The following PCDHA4 variants were observed in gnomAD, a reference collection of about 807,000 sequenced individuals.
PCDHA4 encodes protocadherin alpha 4.
A neutral mutation model predicts 61.4 loss-of-function variants in PCDHA4; 49 were observed. The observed-to-expected ratio is 0.80, with a 90% confidence interval of 0.63 to 1.01. PCDHA4 has a LOEUF of 1.01. PCDHA4 is among the 50% of genes least tolerant of loss of function. The pLI is 0.00. For missense variants in PCDHA4, 1,254 were observed against 1,235.8 expected, an observed-to-expected ratio of 1.01 and a Z score of -0.22; for synonymous variants, 590 against 550.3, an observed-to-expected ratio of 1.07 and a Z score of -1.01.
intron 3 of PCDHA4, among the ~76,000 whole-genome samples, chr5:140,992,118 G>C (rs1554252679): frequency 1.3e-5 from 2 of 151,650 alleles, no homozygotes; most frequent in Non-Finnish European, 2.9e-5. Flanking sequence ...ATGTGTCATG[G>C]AAGAACAGTG....
intron 1 of PCDHA4, chr5:140,852,892 T>C: frequency 1.1e-6 from 1 of 911,000 alleles, no homozygotes; most frequent in Non-Finnish European, 1.3e-6. Context: ...CGTATTTTTT[T>C]TTTTGAGTCA....
chr5:140,834,122 A>G (rs1171530396), intron 1 of PCDHA4: 1 of 434,976 alleles, frequency 2.3e-6, no homozygotes, highest in Non-Finnish European at 4.0e-6. Flanking sequence ...TTGAAATAAA[A>G]CTTTTCATCT....
intron 1 of PCDHA4, chr5:140,883,610 G>C: frequency 6.2e-7 from 1 of 1,614,046 alleles, no homozygotes; most frequent in Non-Finnish European, 8.5e-7. Flanking sequence ...GGTGGCCGAC[G>C]TGAACGACAA....
chr5:140,962,127 G>A (rs1198076557), intron 1 of PCDHA4, among the ~76,000 whole-genome samples: 1 of 151,934 alleles, frequency 6.6e-6, no homozygotes, highest in East Asian at 1.9e-4. Flanking sequence ...CCTTGGCCTC[G>A]GCCTCCCAAA....
At chr5:140,834,699 C>T (rs2150224551) in intron 1 of PCDHA4, 1 of 1,614,262 alleles carries the variant, frequency 6.2e-7, no homozygotes. Flanking sequence ...CAGCATCCAC[C>T]TGGAGGTGAT....
At position 140,967,456 on chromosome 5, in the gene PCDHA4, G is replaced by A. The variant is rs781877104; in HGVS notation, c.2386-11493G>A. On this transcript the variant is annotated intron_variant, in intron 1 of 3. Transcript: ENST00000530339. The stretch of plus-strand genomic sequence containing the variant: ...TGCACCACCTGGTTCTCACAGCCGT[G>A]GATGGGGGCATCCCAGCCCGCTCGG... 4.3e-6 allele frequency: 7 copies of A among 1,613,480 alleles called. No homozygotes were observed. The South Asian group carries it at 6.6e-5, about 15-fold the overall frequency.
intron 1 of PCDHA4, chr5:140,927,619 C>G: frequency 6.2e-7 from 1 of 1,614,170 alleles, no homozygotes; most frequent in Non-Finnish European, 8.5e-7. Flanking sequence ...CACCAAGGTT[C>G]CAGAGACTGC....
intron 1 of PCDHA4, chr5:140,870,860 C>G: frequency 6.2e-7 from 1 of 1,613,882 alleles, no homozygotes; most frequent in East Asian, 2.2e-5. Context: ...TCGGTGGGTG[C>G]GGGCCACGTG....
At chr5:140,828,562 G>A in intron 1 of PCDHA4, 5 of 1,614,232 alleles carry the variant, frequency 3.1e-6, no homozygotes, top group Non-Finnish European at 4.2e-6. Context: ...TGGAGGGCGC[G>A]TCCGATGCAG....
chr5:140,843,248 C>G, intron 1 of PCDHA4: 1 of 1,596,046 alleles, frequency 6.3e-7, no homozygotes, highest in Non-Finnish European at 8.6e-7. Context: ...AGCGGACTCT[C>G]CGCGCCACCG....
At chr5:140,966,818 C>T in intron 1 of PCDHA4, 1 of 1,554,294 alleles carries the variant, frequency 6.4e-7, no homozygotes, top group Admixed American at 1.9e-5. Flanking sequence ...ACGGCTCCGG[C>T]GGCCCATGCC....
chr5:140,982,795 A>ATG (rs60616196), intron 3 of PCDHA4, among the ~76,000 whole-genome samples: 5,064 of 151,610 alleles, frequency 0.033, 263 homozygotes, highest in African/African-American at 0.11. Context: ...GCATGTGTGC[A>ATG]TGTGTGTGTG....
Position 141,011,309 on chromosome 5 carries a change from A to G in PCDHA4, c.*1372A>G, listed in dbSNP as rs374038361. On this transcript the variant is annotated 3_prime_UTR_variant, in exon 4 of 4. Coordinates refer to ENST00000530339, the MANE Select transcript of PCDHA4 (RefSeq NM_018907.4). ...CTTTTCTATAACACTCTGAATTGCTAATCTTACTAACACCTATGATGTTAC... is the reference window on the plus strand; with the variant it reads ...CTTTTCTATAACACTCTGAATTGCTGATCTTACTAACACCTATGATGTTAC... 9.8e-5 allele frequency: 15 copies of G among 153,742 alleles called. No homozygotes were observed. The highest frequency in any genetic ancestry group is 1.9e-4 in the Non-Finnish European group (13 of 68,036). 9.5% of individuals were successfully genotyped at this position (153,742 alleles called of 1,614,324 possible). A position where few individuals can be genotyped will look rare whatever the true frequency, so the allele number is the denominator to read the frequency against.
At chr5:140,834,120 A>C (rs2150213595) in intron 1 of PCDHA4, 5 of 433,160 alleles carry the variant, frequency 1.2e-5, no homozygotes, top group Non-Finnish European at 2.0e-5. Context: ...GTTTGAAATA[A>C]AACTTTTCAT....
Position 140,807,113 on chromosome 5 carries a change from T to C in PCDHA4, c.-75T>C, listed in dbSNP as rs902550795. On this transcript the variant is annotated 5_prime_UTR_variant, in exon 1 of 4. Coordinates refer to ENST00000530339, the MANE Select transcript of PCDHA4 (RefSeq NM_018907.4). ...GAAATATGGAGGATGCAGCTGCACT[T>C]GACTGACCGATTAAAAGATTTCCCT... The C allele has an allele frequency of 2.6e-5, 40 of 1,517,878 alleles. No individual in the cohort carries two copies. In the Admixed American group the frequency reaches 7.4e-4, roughly 28 times the overall value. The allele number at this position is 1,517,878 out of a possible 1,614,324, so 94.0% of individuals were successfully genotyped here.
At chr5:140,913,440 T>A (rs2076337142) in intron 1 of PCDHA4, among the ~76,000 whole-genome samples, 1 of 152,224 alleles carries the variant, frequency 6.6e-6, no homozygotes, top group Non-Finnish European at 1.5e-5. Context: ...GCCTCCTTTT[T>A]CAGCTCCGAT....
At chr5:140,842,859 A>G in intron 1 of PCDHA4, 1 of 1,593,988 alleles carries the variant, frequency 6.3e-7, no homozygotes, top group Admixed American at 1.7e-5. Context: ...GTGCACACGG[A>G]GAGCGGCAAG....
At chr5:140,825,512 C>G (rs1351857242) in intron 1 of PCDHA4, 1 of 150,882 alleles carries the variant, frequency 6.6e-6, no homozygotes, top group Non-Finnish European at 1.5e-5. Context: ...ACAATCTTGG[C>G]CTCCCAGGTT....
At chr5:140,872,472 A>T (rs1251918712) in intron 1 of PCDHA4, among the ~76,000 whole-genome samples, 1 of 152,106 alleles carries the variant, frequency 6.6e-6, no homozygotes, top group South Asian at 2.1e-4. Context: ...ATAAAAAATT[A>T]AAAAATTAGC....
Sources: allele counts gnomAD v4.1 joint callset (sites outside exome capture counted in the v4.1 genomes callset), GRCh38; gene constraint gnomAD v4.1.1; transcripts MANE v1.5; gene names NCBI Gene and HGNC (gene_info 2026-07-23, HGNC 2026-07-21).